The following SNX29 variants were observed in gnomAD, a reference collection of about 807,000 sequenced individuals.
SNX29 encodes sorting nexin-29.
In SNX29, 78 loss-of-function variants were observed where a neutral mutation model predicts 102.1. The observed-to-expected ratio is 0.76, with a 90% CI of 0.64 to 0.92. The LOEUF is 0.92. Among genes scored for constraint, SNX29 ranks in the 40% least tolerant of loss-of-function variants. SNX29 has a pLI of 0.00. For synonymous variants in SNX29, 580 were observed against 414.5 expected, an observed-to-expected ratio of 1.40 and a Z score of -4.85; for missense variants, 1,280 against 1,061.7, an observed-to-expected ratio of 1.21 and a Z score of -2.86.
intron 18 of SNX29, among the ~76,000 whole-genome samples, chr16:12,429,139 A>G (rs1318056710): frequency 6.6e-6 from 1 of 152,256 alleles, no homozygotes; most frequent in Non-Finnish European, 1.5e-5. Context: ...TAGTCCCAAC[A>G]CATAGATACG....
At chr16:12,128,855 T>A (rs1198335599) in intron 12 of SNX29, among the ~76,000 whole-genome samples, 1 of 152,178 alleles carries the variant, frequency 6.6e-6, no homozygotes, top group Non-Finnish European at 1.5e-5. Flanking sequence ...CCAGGTAGAA[T>A]GAAGTAAATG....
At chr16:12,461,978 A>AAAATAT (rs1555544501) in intron 18 of SNX29, among the ~76,000 whole-genome samples, 26 of 27,344 alleles carry the variant, frequency 9.5e-4, no homozygotes, top group East Asian at 2.1e-3. Context: ...AAAAAAAAAA[A>AAAATAT]ATATATATAT....
intron 18 of SNX29, among the ~76,000 whole-genome samples, chr16:12,421,950 A>G (rs1373126148): frequency 2.0e-5 from 3 of 151,144 alleles, no homozygotes; most frequent in Admixed American, 1.3e-4. Context: ...ATCCATCACC[A>G]TCATCAACCA....
intron 19 of SNX29, among the ~76,000 whole-genome samples, chr16:12,484,277 G>C (rs1436694991): frequency 6.6e-6 from 1 of 152,158 alleles, no homozygotes; most frequent in Non-Finnish European, 1.5e-5. Flanking sequence ...GCCTCCCAAA[G>C]TGCTGGGATT....
intron 11 of SNX29, chr16:12,089,867 C>T (rs1174033907): frequency 5.0e-6 from 2 of 397,472 alleles, no homozygotes; most frequent in Admixed American, 3.1e-5. Context: ...CCTCCGCCCT[C>T]CCTTGTACAG....
intron 13 of SNX29, among the ~76,000 whole-genome samples, chr16:12,144,048 G>C (rs931003877): frequency 6.6e-6 from 1 of 152,282 alleles, no homozygotes. Flanking sequence ...TTCTCATTGA[G>C]CAGGTCTGGA....
intron 18 of SNX29, among the ~76,000 whole-genome samples, chr16:12,451,625 A>C (rs751830359): frequency 1.3e-5 from 2 of 152,174 alleles, no homozygotes; most frequent in Non-Finnish European, 2.9e-5. Context: ...GCACTTTGGG[A>C]GGCTGAGGCG....
At chr16:12,087,986 C>T (rs1340524022) in intron 11 of SNX29, 4 of 456,544 alleles carry the variant, frequency 8.8e-6, no homozygotes, top group Admixed American at 4.7e-5. Context: ...AGACCCTGTG[C>T]AGGGGGCCAT....
At position 12,569,067 on chromosome 16, in the gene SNX29, C is replaced by T. The variant is rs538934266; in HGVS notation, c.*438C>T. ...TGGGGACTAGAATGACTATTAGCCT[C>T]TCCTTTTGCTTTTTAAGGTTATTAC... On this transcript the variant is annotated 3_prime_UTR_variant, in exon 21 of 21. Transcript: ENST00000566228. 1.0e-5 allele frequency: 2 copies of T among 199,658 alleles called. No individual in the cohort carries two copies. Among genetic ancestry groups the T allele is most frequent in the African/African-American group, 2.6e-5 (1 of 38,694 alleles). The allele number at this position is 199,658 out of a possible 1,614,324, so 12.4% of individuals were successfully genotyped here. A position where few individuals can be genotyped will look rare whatever the true frequency, so the allele number is the denominator to read the frequency against.
At chr16:12,240,122 G>C (rs1217230516) in intron 14 of SNX29, among the ~76,000 whole-genome samples, 1 of 152,222 alleles carries the variant, frequency 6.6e-6, no homozygotes, top group African/African-American at 2.4e-5. Flanking sequence ...TGATGTCTCT[G>C]TTAACTTCCC....
intron 13 of SNX29, among the ~76,000 whole-genome samples, chr16:12,187,829 G>C (rs1472454186): frequency 6.6e-6 from 1 of 152,100 alleles, no homozygotes; most frequent in East Asian, 1.9e-4. Flanking sequence ...TGGAAGCCCA[G>C]TTGAGTCCAT....
At chr16:11,989,306 G>A (rs1465161723) in intron 1 of SNX29, among the ~76,000 whole-genome samples, 1 of 152,056 alleles carries the variant, frequency 6.6e-6, no homozygotes, top group African/African-American at 2.4e-5. Context: ...CCCATTCTTT[G>A]CTCATTTATT....
chr16:12,232,452 T>G (rs1406463326), intron 14 of SNX29, among the ~76,000 whole-genome samples: 1 of 152,144 alleles, frequency 6.6e-6, no homozygotes, highest in East Asian at 1.9e-4. Flanking sequence ...CCCAGGAGGG[T>G]GGAGGTTGCA....
At chr16:12,562,031 T>G (rs2078753905) in intron 20 of SNX29, among the ~76,000 whole-genome samples, 1 of 152,062 alleles carries the variant, frequency 6.6e-6, no homozygotes. Context: ...CCCTCATGGA[T>G]TTAGGGATGG....
At position 12,566,671 on chromosome 16, in the gene SNX29, C is replaced by A. The variant is rs543739992; in HGVS notation, c.2319-1835C>A. ...TTTGAACCATCCTCTAAGGAGCATT[C>A]AGGGATAAAGAGGCTCTTCGTAAGT... On this transcript the variant is annotated intron_variant, in intron 20 of 20. Transcript: ENST00000566228. 4.1e-5 allele frequency among the ~76,000 whole-genome samples: 6 copies of A among 144,632 alleles called. No homozygotes were observed. The Admixed American group carries it at 4.2e-4, about 10-fold the overall frequency. 94.9% of individuals were successfully genotyped at this position (144,632 alleles called of 152,430 possible).
At chr16:12,421,492 A>G (rs1233779345) in intron 18 of SNX29, among the ~76,000 whole-genome samples, 1 of 151,968 alleles carries the variant, frequency 6.6e-6, no homozygotes, top group Non-Finnish European at 1.5e-5. Context: ...TCTTGATTTG[A>G]TTTCCCTTAA....
intron 11 of SNX29, among the ~76,000 whole-genome samples, chr16:12,105,938 C>T (rs2141230558): frequency 6.6e-6 from 1 of 152,104 alleles, no homozygotes. Context: ...CCTGGCTGGC[C>T]CAGCATGAGA....
chr16:12,144,003 C>T (rs2054960639), intron 13 of SNX29, among the ~76,000 whole-genome samples: 1 of 152,090 alleles, frequency 6.6e-6, no homozygotes, highest in Non-Finnish European at 1.5e-5. Flanking sequence ...CTTAATGTAC[C>T]CACGAAACAC....
intron 18 of SNX29, among the ~76,000 whole-genome samples, chr16:12,404,195 C>T (rs907893934): frequency 6.6e-6 from 1 of 152,178 alleles, no homozygotes; most frequent in Non-Finnish European, 1.5e-5. Flanking sequence ...GCAATGGATA[C>T]TGGACAAGCG....
Sources: allele counts gnomAD v4.1 joint callset (sites outside exome capture counted in the v4.1 genomes callset), GRCh38; gene constraint gnomAD v4.1.1; transcripts MANE v1.5; gene names NCBI Gene and HGNC (gene_info 2026-07-23, HGNC 2026-07-21).